Variants in PCDHB14 observed in about 807,000 individuals in gnomAD.
The protein encoded by PCDHB14 is protocadherin beta-14.
For synonymous variants in PCDHB14, 511 were observed against 441.5 expected (o/e 1.16, Z -1.97); for missense variants, 1,129 against 1,000.5 (o/e 1.13, Z -1.73).
At position 141,224,693 on chromosome 5, in the gene PCDHB14, C is replaced by T. The variant is rs542452580; in HGVS notation, c.1188C>T (p.Thr396=). The T allele has an allele frequency of 3.7e-6, 6 of 1,614,156 alleles. No homozygotes were observed. Among genetic ancestry groups the T allele is most frequent in the Non-Finnish European group, 4.2e-6 (5 of 1,180,024 alleles). The change falls in exon 1 of 1, where the codon ACC becomes ACT. Residue 396 remains threonine, a synonymous_variant. Transcript: ENST00000239449. ...ACCTCCCTTTTTTCCTGAAACCGACCTTCAAGAACTTTTTCACTCTAGTTT... is the reference window on the plus strand; with the variant it reads ...ACCTCCCTTTTTTCCTGAAACCGACTTTCAAGAACTTTTTCACTCTAGTTT... ...QDNLPFFLKP[T]FKNFFTLVSE...
chr5:141,224,236 A>G lies in PCDHB14; in HGVS notation c.731A>G (p.Gln244Arg). The G allele has an allele frequency of 6.2e-7, 1 of 1,613,764 alleles. No individual in the cohort carries two copies. Among genetic ancestry groups the G allele is most frequent in the Non-Finnish European group, 8.5e-7 (1 of 1,179,820 alleles). ...DINDNAPEFP[Q>R]SLYEVQVPED... Reference sequence around the variant, plus strand: ...AATGATAATGCCCCTGAGTTTCCTCAGAGTCTCTATGAGGTGCAAGTCCCC... The same window carrying G: ...AATGATAATGCCCCTGAGTTTCCTCGGAGTCTCTATGAGGTGCAAGTCCCC... Residue 244 changes from glutamine to arginine, a missense_variant, in exon 1 of 1, where the codon CAG becomes CGG. Coordinates refer to ENST00000239449, the MANE Select transcript of PCDHB14 (RefSeq NM_018934.4).
At position 141,224,462 on chromosome 5, in the gene PCDHB14, T is replaced by C. The variant is rs782626928; in HGVS notation, c.957T>C (p.Ile319=). 6 of 1,612,182 alleles carry C rather than the reference T, an allele frequency of 3.7e-6. No homozygotes were observed. In the Admixed American group the frequency reaches 1.0e-4, roughly 27 times the overall value. Residue 319 remains isoleucine, a synonymous_variant, in exon 1 of 1, where the codon ATT becomes ATC. Coordinates refer to ENST00000239449, the MANE Select transcript of PCDHB14 (RefSeq NM_018934.4). ...TAATACAGTCCTACACTATAAATAT[T>C]CAGGCAACAGATGGTGGGGGTCTTT... ...FEVIQSYTIN[I]QATDGGGLSG...
chr5:141,223,450 C>A lies in PCDHB14; in HGVS notation c.-56C>A. Reference sequence around the variant, plus strand: ...TTCCTGTTAAAAACCAGAGCTTCAGCTTCCAAAATTACGGCTGAGCTTCAG... The same window carrying A: ...TTCCTGTTAAAAACCAGAGCTTCAGATTCCAAAATTACGGCTGAGCTTCAG... On this transcript the variant is annotated 5_prime_UTR_variant, in exon 1 of 1. Coordinates refer to ENST00000239449, the MANE Select transcript of PCDHB14 (RefSeq NM_018934.4). 1 of 1,367,022 alleles carries A rather than the reference C, an allele frequency of 7.3e-7. No individual in the cohort carries two copies. The highest frequency in any genetic ancestry group is 1.0e-6 in the Non-Finnish European group (1 of 987,844). 84.7% of individuals were successfully genotyped at this position (1,367,022 alleles called of 1,614,324 possible). A position where few individuals can be genotyped will look rare whatever the true frequency, so the allele number is the denominator to read the frequency against.
In PCDHB14 at chr5:141,224,302, C is replaced by G; in HGVS notation, c.797C>G (p.Ala266Gly). 1 of 1,614,082 alleles carries G rather than the reference C, an allele frequency of 6.2e-7. No homozygotes were observed. Among genetic ancestry groups the G allele is most frequent in the Non-Finnish European group, 8.5e-7 (1 of 1,180,004 alleles). The change falls in exon 1 of 1, where the codon GCT becomes GGT. Residue 266 changes from alanine to glycine, a missense_variant. Transcript: ENST00000239449. ...GGCTCCTGGATTGCCACCATCTCAG[C>G]TAAGGATCTGGATGCAGGAAACTAT... ...PLGSWIATIS[A>G]KDLDAGNYGK...
chr5:141,225,315 T>C lies in PCDHB14; in HGVS notation c.1810T>C (p.Tyr604His), dbSNP rs1588398274. The C allele has an allele frequency of 1.2e-6, 2 of 1,600,512 alleles. No individual in the cohort carries two copies. Among genetic ancestry groups the C allele is most frequent in the African/African-American group, 1.3e-5 (1 of 74,908 alleles). The change falls in exon 1 of 1, where the codon TAC becomes CAC. Residue 604 changes from tyrosine (Y) to histidine (H), a missense_variant. Coordinates refer to ENST00000239449, the MANE Select transcript of PCDHB14 (RefSeq NM_018934.4). ...CTCGGGCCAGAACGCCTGGCTGTCG[T>C]ACCAGCTGCTCAAGGCCACGGAGCC... is the stretch of plus-strand genomic sequence containing the variant. ...GDSGQNAWLS[Y>H]QLLKATEPGL...
Position 141,225,065 on chromosome 5 carries a change from C to A in PCDHB14, c.1560C>A (p.Asp520Glu). The change falls in exon 1 of 1, where the codon GAC becomes GAA. Residue 520 changes from aspartate to glutamate, a missense_variant. Coordinates refer to ENST00000239449, the MANE Select transcript of PCDHB14 (RefSeq NM_018934.4). ...NGHLFALRSL[D>E]YEALQEFEFR... ...ACCTGTTTGCCCTCAGGTCGCTGGACTACGAGGCCCTACAGGAGTTCGAGT... is the reference window on the plus strand; with the variant it reads ...ACCTGTTTGCCCTCAGGTCGCTGGAATACGAGGCCCTACAGGAGTTCGAGT... The A allele has an allele frequency of 4.3e-6, 7 of 1,612,438 alleles. No individual in the cohort carries two copies. The highest frequency in any genetic ancestry group is 5.1e-6 in the Non-Finnish European group (6 of 1,179,904).
At position 141,223,681 on chromosome 5, in the gene PCDHB14, T is replaced by A. The variant is rs909733640; in HGVS notation, c.176T>A (p.Leu59Gln). ...ARDLGLGVEELSSREARVVSD... is the reference protein window; with the variant it reads ...ARDLGLGVEEQSSREARVVSD... ...GACCTAGGGCTGGGGGTGGAGGAGC[T>A]GTCTTCACGTGAAGCCCGGGTAGTG... Residue 59 changes from leucine to glutamine, a missense_variant, in exon 1 of 1, where the codon CTG (leucine) becomes CAG (glutamine). Transcript: ENST00000239449. 1 of 1,614,170 alleles carries A rather than the reference T, an allele frequency of 6.2e-7. No homozygotes were observed. Among genetic ancestry groups the A allele is most frequent in the Non-Finnish European group, 8.5e-7 (1 of 1,180,026 alleles).
rs1219231885 is a variant in PCDHB14, at chr5:141,224,987, G to A, written c.1482G>A (p.Gln494=). Residue 494 remains glutamine, a synonymous_variant, in exon 1 of 1, where the codon CAG becomes CAA. Coordinates refer to ENST00000239449, the MANE Select transcript of PCDHB14 (RefSeq NM_018934.4). ...AQVNYSLLPP[Q]DRHLPLASLV... is the part of the protein sequence containing the mutation. ...TCAACTACTCGCTGCTGCCGCCCCAGGACCGGCACCTGCCCCTCGCCTCCT... is the reference window on the plus strand; with the variant it reads ...TCAACTACTCGCTGCTGCCGCCCCAAGACCGGCACCTGCCCCTCGCCTCCT... 1 of 1,612,508 alleles carries A rather than the reference G, an allele frequency of 6.2e-7. No individual in the cohort carries two copies. The highest frequency in any genetic ancestry group is 8.5e-7 in the Non-Finnish European group (1 of 1,180,040).
Position 141,224,963 on chromosome 5 carries a change from C to G in PCDHB14, c.1458C>G (p.Val486=), listed in dbSNP as rs1195052938. 1 of 1,612,654 alleles carries G rather than the reference C, an allele frequency of 6.2e-7. No individual in the cohort carries two copies. The highest frequency in any genetic ancestry group is 2.2e-5 in the East Asian group (1 of 44,882). ...TDRDSGTNAQ[V]NYSLLPPQDR... ...GAGACTCAGGCACCAACGCCCAGGTCAACTACTCGCTGCTGCCGCCCCAGG... is the reference window on the plus strand; with the variant it reads ...GAGACTCAGGCACCAACGCCCAGGTGAACTACTCGCTGCTGCCGCCCCAGG... The change falls in exon 1 of 1, where the codon GTC becomes GTG. Residue 486 remains valine (V), a synonymous_variant. Transcript: ENST00000239449.
chr5:141,223,449 G>A lies in PCDHB14; in HGVS notation c.-57G>A. ...GTTCCTGTTAAAAACCAGAGCTTCA[G>A]CTTCCAAAATTACGGCTGAGCTTCA... On this transcript the variant is annotated 5_prime_UTR_variant, in exon 1 of 1. Coordinates refer to ENST00000239449, the MANE Select transcript of PCDHB14 (RefSeq NM_018934.4). The A allele has an allele frequency of 7.3e-7, 1 of 1,361,206 alleles. No homozygotes were observed. Among genetic ancestry groups the A allele is most frequent in the East Asian group, 2.3e-5 (1 of 43,530 alleles). The allele number at this position is 1,361,206 out of a possible 1,614,324, so 84.3% of individuals were successfully genotyped here.
rs371646791 is a variant in PCDHB14 at position 141,223,695 on chromosome 5, G to A, written c.190G>A (p.Ala64Thr). The A allele has an allele frequency of 6.8e-6, 11 of 1,614,016 alleles. No individual in the cohort carries two copies. The African/African-American group carries it at 1.3e-4, about 20-fold the overall frequency. ...GGTGGAGGAGCTGTCTTCACGTGAA[G>A]CCCGGGTAGTGTCTGATGATAATAA... Reference protein sequence around the residue: ...LGVEELSSREARVVSDDNKKY... With the variant: ...LGVEELSSRETRVVSDDNKKY... Residue 64 changes from alanine (A) to threonine (T), a missense_variant, in exon 1 of 1, where the codon GCC (alanine) becomes ACC (threonine). Ala to Thr is a moderately conservative substitution (Grantham distance 58). Coordinates refer to ENST00000239449, the MANE Select transcript of PCDHB14 (RefSeq NM_018934.4).
rs150245283 is a variant in PCDHB14, at chr5:141,224,982, C to A, written c.1477C>A (p.Pro493Thr). 1 of 1,612,598 alleles carries A rather than the reference C, an allele frequency of 6.2e-7. No individual in the cohort carries two copies. The highest frequency in any genetic ancestry group is 1.7e-5 in the Admixed American group (1 of 60,032). Residue 493 changes from proline to threonine, a missense_variant, in exon 1 of 1, where the codon CCC (proline) becomes ACC (threonine). Physicochemically the swap from Pro to Thr is conservative, Grantham distance 38 (BLOSUM62 -1). Transcript: ENST00000239449. ...CCAGGTCAACTACTCGCTGCTGCCG[C>A]CCCAGGACCGGCACCTGCCCCTCGC... ...NAQVNYSLLP[P>T]QDRHLPLASL... is the part of the protein sequence containing the mutation.
chr5:141,223,527 G>C lies in PCDHB14; in HGVS notation c.22G>C (p.Asp8His). 1 of 1,611,486 alleles carries C rather than the reference G, an allele frequency of 6.2e-7. No individual in the cohort carries two copies. Among genetic ancestry groups the C allele is most frequent in the Non-Finnish European group, 8.5e-7 (1 of 1,178,134 alleles). ...AACCATGGAGATCAGAGGGGCACTC[G>C]ATCTGCGAAAAAGGCAAGTTCTAAT... MEIRGAL[D>H]LRKRQVLIFL... is the part of the protein sequence containing the mutation. Residue 8 changes from aspartate (D) to histidine (H), a missense_variant, in exon 1 of 1, where the codon GAT (aspartate) becomes CAT (histidine). Asp to His is a moderately conservative substitution (Grantham distance 81). Coordinates refer to ENST00000239449, the MANE Select transcript of PCDHB14 (RefSeq NM_018934.4).
In PCDHB14 at chr5:141,225,666, T is replaced by G. The variant is rs1554289555; in HGVS notation, c.2161T>G (p.Ser721Ala). 1 of 1,613,922 alleles carries G rather than the reference T, an allele frequency of 6.2e-7. No homozygotes were observed. Among genetic ancestry groups the G allele is most frequent in the Non-Finnish European group, 8.5e-7 (1 of 1,180,024 alleles). The change falls in exon 1 of 1, where the codon TCG becomes GCG. Residue 721 changes from serine to alanine, a missense_variant. Coordinates refer to ENST00000239449, the MANE Select transcript of PCDHB14 (RefSeq NM_018934.4). The stretch of plus-strand genomic sequence containing the variant: ...GCTGTGCAGGAGGAGCAGGGCGGCC[T>G]CGGTGGGTCGCTGCTCGGTGCCCGA... ...VRLCRRSRAASVGRCSVPEGP... is the reference protein window; with the variant it reads ...VRLCRRSRAAAVGRCSVPEGP...
chr5:141,225,475 C>T lies in PCDHB14; in HGVS notation c.1970C>T (p.Thr657Met). Residue 657 changes from threonine to methionine, a missense_variant, in exon 1 of 1, where the codon ACG becomes ATG. Thr to Met is a moderately conservative substitution (Grantham distance 81). Coordinates refer to ENST00000239449, the MANE Select transcript of PCDHB14 (RefSeq NM_018934.4). ...NGEPPRSATA[T>M]LHVLLVDGFS... ...GAGCCTCCTCGCTCGGCCACCGCCA[C>T]GCTGCACGTGCTCCTGGTGGACGGC... 5.6e-6 allele frequency: 9 copies of T among 1,605,138 alleles called. No individual in the cohort carries two copies. Among genetic ancestry groups the T allele is most frequent in the Non-Finnish European group, 6.8e-6 (8 of 1,179,528 alleles).
At position 141,225,125 on chromosome 5, in the gene PCDHB14, G is replaced by T. The variant is rs147849897; in HGVS notation, c.1620G>T (p.Ala540=). 1,219 of 1,611,874 alleles carry T rather than the reference G, an allele frequency of 7.6e-4. 2 individuals are homozygous for T. Among genetic ancestry groups the T allele is most frequent in the South Asian group, 1.8e-3 (164 of 90,984 alleles). ...RVGATDRGSP[A]LSSEALVRVL... ...GCGCCACAGACCGCGGGTCCCCGGC[G>T]TTGAGCAGCGAGGCGCTGGTGCGCG... The change falls in exon 1 of 1, where the codon GCG becomes GCT. Residue 540 remains alanine, a synonymous_variant. Coordinates refer to ENST00000239449, the MANE Select transcript of PCDHB14 (RefSeq NM_018934.4).
Position 141,225,539 on chromosome 5 carries a change from G to T in PCDHB14, c.2034G>T (p.Pro678=). ...QPYLPLPEAA[P]AQAQADSLTV... is the part of the protein sequence containing the mutation. ...ACCTGCCGCTCCCTGAGGCGGCCCC[G>T]GCCCAGGCCCAGGCCGACTCCCTCA... is the stretch of plus-strand genomic sequence containing the variant. The change falls in exon 1 of 1, where the codon CCG becomes CCT. Residue 678 remains proline (P), a synonymous_variant. Transcript: ENST00000239449. 1.2e-6 allele frequency: 2 copies of T among 1,609,896 alleles called. No homozygotes were observed. Among genetic ancestry groups the T allele is most frequent in the Non-Finnish European group, 8.5e-7 (1 of 1,179,710 alleles).
In PCDHB14 at chr5:141,224,883, G is replaced by T. The variant is rs782325791; in HGVS notation, c.1378G>T (p.Val460Phe). 1 of 1,613,362 alleles carries T rather than the reference G, an allele frequency of 6.2e-7. No homozygotes were observed. Among genetic ancestry groups the T allele is most frequent in the Non-Finnish European group, 8.5e-7 (1 of 1,180,010 alleles). ...CACCCAAACCTCCTACACCCTGTTC[G>T]TCCGCGAGAACAACAGCCCCGCCCT... ...TFTQTSYTLF[V>F]RENNSPALHI... The change falls in exon 1 of 1, where the codon GTC becomes TTC. Residue 460 changes from valine (V) to phenylalanine (F), a missense_variant. Coordinates refer to ENST00000239449, the MANE Select transcript of PCDHB14 (RefSeq NM_018934.4).
chr5:141,223,389 C>A lies in PCDHB14; in HGVS notation c.-117C>A. On this transcript the variant is annotated 5_prime_UTR_variant, in exon 1 of 1. Coordinates refer to ENST00000239449, the MANE Select transcript of PCDHB14 (RefSeq NM_018934.4). Reference sequence around the variant, plus strand: ...AAAGACAGGCATTAAAGGAGCTTCGCCTACAGAGCTGCTGGAGGATACACT... The same window carrying A: ...AAAGACAGGCATTAAAGGAGCTTCGACTACAGAGCTGCTGGAGGATACACT... 1 of 730,516 alleles carries A rather than the reference C, an allele frequency of 1.4e-6. No individual in the cohort carries two copies. Among genetic ancestry groups the A allele is most frequent in the Non-Finnish European group, 2.3e-6 (1 of 430,214 alleles). The allele number at this position is 730,516 out of a possible 1,614,324, so 45.3% of individuals were successfully genotyped here.
Sources: allele counts gnomAD v4.1 joint callset, GRCh38; gene constraint gnomAD v4.1.1; transcripts MANE v1.5; gene names NCBI Gene and HGNC (gene_info 2026-07-23, HGNC 2026-07-21).